RALGPS1: variants seen among roughly 807,000 people sequenced by gnomAD.
RALGPS1 encodes the protein ras-specific guanine nucleotide-releasing factor RalGPS1.
RALGPS1 carries 19 observed loss-of-function variants against 78.8 expected under a neutral mutation model. The ratio of observed to expected loss-of-function variants is 0.24; its 90% CI spans 0.17 to 0.35. The LOEUF is 0.35. RALGPS1 is among the 10% of genes least tolerant of loss of function. The pLI is 1.00. For synonymous variants in RALGPS1, 228 were observed against 256.3 expected, an observed-to-expected ratio of 0.89 and a Z score of 1.06; for missense variants, 454 against 688.3, an observed-to-expected ratio of 0.66 and a Z score of 3.81.
At chr9:127,021,195 C>T (rs2045404484) in intron 4 of RALGPS1, among the ~76,000 whole-genome samples, 1 of 152,050 alleles carries the variant, frequency 6.6e-6, no homozygotes, top group Admixed American at 6.5e-5. Context: ...TAAGGCCAGC[C>T]TAAGCAATGT....
intron 8 of RALGPS1, among the ~76,000 whole-genome samples, chr9:127,153,614 G>A (rs776222473): frequency 2.3e-4 from 35 of 152,064 alleles, no homozygotes; most frequent in Non-Finnish European, 4.6e-4. Context: ...TGGTTCCTAA[G>A]CACATCACCC....
At chr9:127,139,009 C>G (rs193165812) in intron 8 of RALGPS1, among the ~76,000 whole-genome samples, 1 of 152,300 alleles carries the variant, frequency 6.6e-6, no homozygotes, top group African/African-American at 2.4e-5. Context: ...TTACCTGATT[C>G]TTCTATCTCT....
chr9:127,208,870 G>A (rs966135465), intron 14 of RALGPS1, among the ~76,000 whole-genome samples: 1 of 152,242 alleles, frequency 6.6e-6, no homozygotes, highest in African/African-American at 2.4e-5. Flanking sequence ...AGAATGATGG[G>A]AAGAAGGTAG....
intron 5 of RALGPS1, among the ~76,000 whole-genome samples, chr9:127,043,642 A>G (rs886747079): frequency 1.3e-5 from 2 of 152,220 alleles, no homozygotes; most frequent in Non-Finnish European, 2.9e-5. Flanking sequence ...CACTCTGCAA[A>G]ACACATGGTA....
At chr9:126,988,378 T>C (rs1318972235) in intron 4 of RALGPS1, among the ~76,000 whole-genome samples, 1 of 152,148 alleles carries the variant, frequency 6.6e-6, no homozygotes, top group Non-Finnish European at 1.5e-5. Context: ...GAGCTTTATC[T>C]TGTTAGCCCT....
chr9:127,091,403 G>A lies in RALGPS1; in HGVS notation c.610+22047G>A, dbSNP rs558695337. Among the ~76,000 whole-genome samples the A allele has an allele frequency of 2.6e-5, 4 of 152,210 alleles. No homozygotes were observed. The highest frequency in any genetic ancestry group is 5.9e-5 in the Non-Finnish European group (4 of 68,034). On this transcript the variant is annotated intron_variant, in intron 8 of 18. Transcript: ENST00000259351. This position sits in a 1 kb window ranked among gnomAD's most constrained non-coding sequence, Gnocchi z 4.3. ...TCTGCATTGGCCCCAGCTGGCCCTG[G>A]TACGTGTGATTTGTATACCTCTTTA...
intron 5 of RALGPS1, among the ~76,000 whole-genome samples, chr9:127,045,981 G>C (rs1385286847): frequency 6.6e-6 from 1 of 152,196 alleles, no homozygotes; most frequent in Non-Finnish European, 1.5e-5. Context: ...AGATGAGCCT[G>C]TTGCATATTG....
intron 14 of RALGPS1, among the ~76,000 whole-genome samples, chr9:127,203,360 C>T (rs1266304502): frequency 6.6e-6 from 1 of 152,110 alleles, no homozygotes; most frequent in African/African-American, 2.4e-5. Flanking sequence ...GAAATGATTA[C>T]TGATCAGTTT....
At chr9:127,036,165 T>A (rs1035870308) in intron 5 of RALGPS1, among the ~76,000 whole-genome samples, 1 of 152,228 alleles carries the variant, frequency 6.6e-6, no homozygotes, top group Non-Finnish European at 1.5e-5. Flanking sequence ...AGTCACATTT[T>A]TTTTCAAACA....
rs746487517 is a variant in RALGPS1, at chr9:127,205,769, C to G, written c.1248-6362C>G. Among the ~76,000 whole-genome samples, 8 of 152,214 alleles carry G rather than the reference C, an allele frequency of 5.3e-5. No individual in the cohort carries two copies. The highest frequency in any genetic ancestry group is 1.0e-4 in the Non-Finnish European group (7 of 68,042). On this transcript the variant is annotated intron_variant, in intron 14 of 18. Coordinates refer to ENST00000259351, the MANE Select transcript of RALGPS1 (RefSeq NM_014636.3). The surrounding 1 kb of genome is among the most constrained non-coding windows in gnomAD (Gnocchi z 4.0). ...TGCCTCATGGCAACTTGGGATGCCT[C>G]CCAGGTTTACATGTGATAGTTTCGC...
intron 1 of RALGPS1, among the ~76,000 whole-genome samples, chr9:126,923,950 C>T (rs1425878947): frequency 2.6e-5 from 4 of 152,240 alleles, no homozygotes; most frequent in Non-Finnish European, 4.4e-5. Flanking sequence ...GCTATATCTG[C>T]TATGGGACAC....
At chr9:126,949,036 A>T (rs1004372412) in intron 1 of RALGPS1, among the ~76,000 whole-genome samples, 3 of 151,828 alleles carry the variant, frequency 2.0e-5, no homozygotes, top group Non-Finnish European at 4.4e-5. Context: ...TCATTGTTCA[A>T]TTCCCATCTG....
chr9:127,212,850 G>A lies in RALGPS1; in HGVS notation c.1447-94G>A. 6.3e-7 allele frequency: 1 copy of A among 1,584,786 alleles called. No individual in the cohort carries two copies. The highest frequency in any genetic ancestry group is 1.3e-5 in the African/African-American group (1 of 74,172). Reference sequence around the variant, plus strand: ...GAGGATGCAGGTGGGAAGGCGGCAGGGGAGGGAGGAAGCCTTGCCTGGCCC... The same window carrying A: ...GAGGATGCAGGTGGGAAGGCGGCAGAGGAGGGAGGAAGCCTTGCCTGGCCC... On this transcript the variant is annotated intron_variant, in intron 16 of 18. Transcript: ENST00000259351. The surrounding 1 kb of genome is among the most constrained non-coding windows in gnomAD (Gnocchi z 6.0).
chr9:126,993,803 A>G (rs2042483984), intron 4 of RALGPS1, among the ~76,000 whole-genome samples: 1 of 152,254 alleles, frequency 6.6e-6, no homozygotes, highest in Admixed American at 6.5e-5. Context: ...GACACCTCAC[A>G]CGACCGGGCA....
chr9:127,002,376 A>T (rs1014684916), intron 4 of RALGPS1, among the ~76,000 whole-genome samples: 7 of 149,466 alleles, frequency 4.7e-5, no homozygotes, highest in Non-Finnish European at 8.9e-5. Context: ...TTCAATGGTG[A>T]TGGATATTTT....
intron 4 of RALGPS1, among the ~76,000 whole-genome samples, chr9:127,022,508 T>A (rs1387749277): frequency 2.8e-5 from 4 of 144,860 alleles, no homozygotes; most frequent in Admixed American, 1.4e-4. Flanking sequence ...TGTTTTCCCA[T>A]CCCATGCAGA....
chr9:127,159,498 G>T (rs888224652), intron 8 of RALGPS1, among the ~76,000 whole-genome samples: 1 of 152,158 alleles, frequency 6.6e-6, no homozygotes, highest in Non-Finnish European at 1.5e-5. Context: ...GACTGCCTGC[G>T]CCTGCCCCCT....
intron 11 of RALGPS1, among the ~76,000 whole-genome samples, chr9:127,185,781 A>G (rs1458526985): frequency 2.0e-5 from 3 of 152,114 alleles, no homozygotes; most frequent in African/African-American, 4.8e-5. Context: ...CTGGAAACTC[A>G]TCTTTCTAAT....
At chr9:127,102,208 A>G (rs940617908) in intron 8 of RALGPS1, among the ~76,000 whole-genome samples, 2 of 152,188 alleles carry the variant, frequency 1.3e-5, no homozygotes. Context: ...TGCTGCTATA[A>G]CAGAATAGCA....
Sources: allele counts gnomAD v4.1 joint callset (sites outside exome capture counted in the v4.1 genomes callset), GRCh38; gene constraint gnomAD v4.1.1; non-coding constraint Gnocchi (gnomAD v3.1); transcripts MANE v1.5; gene names NCBI Gene and HGNC (gene_info 2026-07-23, HGNC 2026-07-21).